The following NKAIN2 variants were observed in gnomAD, a reference collection of about 807,000 sequenced individuals.
NKAIN2 encodes the protein sodium/potassium-transporting ATPase subunit beta-1-interacting protein 2.
A neutral mutation model predicts 32.6 loss-of-function variants in NKAIN2; 14 were observed. The ratio of observed to expected loss-of-function variants is 0.43; its 90% CI spans 0.28 to 0.67. The LOEUF is 0.67. NKAIN2 is among the 30% of genes least tolerant of loss of function. The pLI is 0.17. For synonymous variants in NKAIN2, 80 were observed against 87.2 expected (o/e 0.92, Z 0.46); for missense variants, 198 against 258.3 (o/e 0.77, Z 1.60).
At chr6:124,313,854 T>C (rs1421205319) in intron 2 of NKAIN2, among the ~76,000 whole-genome samples, 1 of 152,168 alleles carries the variant, frequency 6.6e-6, no homozygotes, top group Non-Finnish European at 1.5e-5. Flanking sequence ...TTTTAACCTT[T>C]TATCTCCTTC....
intron 1 of NKAIN2, among the ~76,000 whole-genome samples, chr6:124,091,851 T>G (rs146469831): frequency 2.8e-3 from 420 of 152,102 alleles, no homozygotes; most frequent in Non-Finnish European, 4.3e-3. Context: ...ACATTCATCC[T>G]CTGACTCTTT....
intron 3 of NKAIN2, among the ~76,000 whole-genome samples, chr6:124,402,200 C>G (rs1056215653): frequency 1.2e-4 from 19 of 152,100 alleles, no homozygotes; most frequent in African/African-American, 4.3e-4. Context: ...GTCAGTAGCA[C>G]TGCTGTTAAG....
chr6:124,771,263 C>G (rs936840586), intron 4 of NKAIN2, among the ~76,000 whole-genome samples: 2 of 152,140 alleles, frequency 1.3e-5, no homozygotes, highest in Admixed American at 1.3e-4. Flanking sequence ...CACAGAGATT[C>G]ATATTGTTTA....
intron 6 of NKAIN2, chr6:124,819,231 G>A: frequency 2.9e-6 from 1 of 347,074 alleles, no homozygotes; most frequent in Non-Finnish European, 4.1e-6. Context: ...TGTGTTTGTT[G>A]TCGTTGTCCT....
chr6:124,198,866 C>A (rs906965223), intron 1 of NKAIN2, among the ~76,000 whole-genome samples: 6 of 152,146 alleles, frequency 3.9e-5, no homozygotes, highest in African/African-American at 1.4e-4. Flanking sequence ...TGCATTATGA[C>A]TATAACTTTC....
At chr6:124,368,373 A>T (rs917808463) in intron 3 of NKAIN2, among the ~76,000 whole-genome samples, 1 of 152,088 alleles carries the variant, frequency 6.6e-6, no homozygotes, top group Non-Finnish European at 1.5e-5. Context: ...TACAGTTCCT[A>T]TGACTCTATG....
chr6:123,888,617 C>A (rs1416423701), intron 1 of NKAIN2, among the ~76,000 whole-genome samples: 1 of 151,982 alleles, frequency 6.6e-6, no homozygotes, highest in Non-Finnish European at 1.5e-5. Context: ...TATTAAAGTT[C>A]CTATAGAATA....
intron 4 of NKAIN2, among the ~76,000 whole-genome samples, chr6:124,727,304 A>G (rs1562348757): frequency 6.6e-6 from 1 of 152,168 alleles, no homozygotes; most frequent in Non-Finnish European, 1.5e-5. Flanking sequence ...CGGAAGCCAG[A>G]GAGAAAGGTC....
At chr6:124,007,863 C>T (rs571278866) in intron 1 of NKAIN2, among the ~76,000 whole-genome samples, 1 of 152,264 alleles carries the variant, frequency 6.6e-6, no homozygotes, top group Admixed American at 6.5e-5. Context: ...GTGTCCATTT[C>T]ACTGAGCCAC....
At chr6:124,246,033 A>G (rs551759648) in intron 1 of NKAIN2, among the ~76,000 whole-genome samples, 43 of 152,036 alleles carry the variant, frequency 2.8e-4, no homozygotes, top group Non-Finnish European at 5.0e-4. Flanking sequence ...ATGAAATGTC[A>G]TTTCTTCCCA....
At chr6:123,847,848 A>G (rs1300488341) in intron 1 of NKAIN2, among the ~76,000 whole-genome samples, 8 of 152,110 alleles carry the variant, frequency 5.3e-5, no homozygotes, top group African/African-American at 1.7e-4. Flanking sequence ...TGGCCTTGGT[A>G]ATTGGGATGG....
intron 5 of NKAIN2, among the ~76,000 whole-genome samples, chr6:124,801,246 T>G (rs1322953937): frequency 6.6e-6 from 1 of 152,238 alleles, no homozygotes; most frequent in Non-Finnish European, 1.5e-5. Context: ...TCCTTTACAC[T>G]AATTTTTTTC....
At chr6:123,870,839 C>G (rs894257769) in intron 1 of NKAIN2, among the ~76,000 whole-genome samples, 3 of 152,010 alleles carry the variant, frequency 2.0e-5, no homozygotes, top group African/African-American at 7.3e-5. Context: ...ATTGCTCAAG[C>G]TCTTCTTTCT....
At chr6:124,391,119 T>A (rs895732457) in intron 3 of NKAIN2, 1 of 152,098 alleles carries the variant, frequency 6.6e-6, no homozygotes, top group Non-Finnish European at 1.5e-5. Flanking sequence ...TGTGGATGAT[T>A]AACAAATACA....
chr6:124,439,212 T>C (rs913913098), intron 3 of NKAIN2, among the ~76,000 whole-genome samples: 17 of 152,156 alleles, frequency 1.1e-4, no homozygotes, highest in African/African-American at 4.1e-4. Context: ...TTCTGTGTTT[T>C]CTAGCTCATG....
intron 1 of NKAIN2, among the ~76,000 whole-genome samples, chr6:123,821,444 C>A (rs1172628755): frequency 6.6e-6 from 1 of 152,082 alleles, no homozygotes; most frequent in African/African-American, 2.4e-5. Context: ...CATGCTGGCT[C>A]TAAAATTTAT....
intron 1 of NKAIN2, among the ~76,000 whole-genome samples, chr6:123,902,149 G>A (rs547736476): frequency 1.3e-5 from 2 of 152,042 alleles, no homozygotes; most frequent in African/African-American, 4.8e-5. Context: ...TACAAAAATG[G>A]CCTTGTAAAA....
intron 1 of NKAIN2, among the ~76,000 whole-genome samples, chr6:124,278,041 A>G (rs998912259): frequency 6.6e-6 from 1 of 152,176 alleles, no homozygotes; most frequent in African/African-American, 2.4e-5. Flanking sequence ...TTTGATTAAG[A>G]AATATTAGTT....
intron 4 of NKAIN2, among the ~76,000 whole-genome samples, chr6:124,689,156 T>C (rs1774140043): frequency 6.6e-6 from 1 of 152,128 alleles, no homozygotes. Flanking sequence ...GTCACTGTTC[T>C]GGATTTTGGG....
Sources: allele counts gnomAD v4.1 joint callset (sites outside exome capture counted in the v4.1 genomes callset), GRCh38; gene constraint gnomAD v4.1.1; transcripts MANE v1.5; gene names NCBI Gene and HGNC (gene_info 2026-07-23, HGNC 2026-07-21).